The following COL21A1 variants were observed in gnomAD, a reference collection of about 807,000 sequenced individuals.
COL21A1 encodes collagen type XXI alpha 1 chain, also known as collagen alpha-1(XXI) chain.
A neutral mutation model predicts 137.9 loss-of-function variants in COL21A1; 149 were observed. The observed-to-expected ratio is 1.08, with a 90% CI of 0.95 to 1.24. The LOEUF (loss-of-function observed/expected upper bound fraction) is 1.24. Among genes scored for constraint, COL21A1 ranks in the 50% most tolerant of loss-of-function variants. The pLI, the probability that COL21A1 is intolerant of heterozygous loss-of-function variation, is 0.00. For missense variants in COL21A1, 1,167 were observed against 1,158.4 expected, an observed-to-expected ratio of 1.01 and a Z score of -0.11; for synonymous variants, 456 against 391.5, an observed-to-expected ratio of 1.16 and a Z score of -1.95.
At chr6:56,071,962 C>T (rs1408468392) in intron 20 of COL21A1, among the ~76,000 whole-genome samples, 1 of 151,402 alleles carries the variant, frequency 6.6e-6, no homozygotes, top group Non-Finnish European at 1.5e-5. Context: ...TGATGCTCTT[C>T]CACTCCCAAC....
At chr6:56,332,395 G>A (rs1324383963) in intron 1 of COL21A1, among the ~76,000 whole-genome samples, 1 of 151,678 alleles carries the variant, frequency 6.6e-6, no homozygotes, top group Non-Finnish European at 1.5e-5. Context: ...TCACTAATGT[G>A]ATATAGCCAG....
intron 1 of COL21A1, among the ~76,000 whole-genome samples, chr6:56,312,270 C>T (rs1436410632): frequency 6.6e-6 from 1 of 152,036 alleles, no homozygotes; most frequent in Non-Finnish European, 1.5e-5. Context: ...TTAATGCAAA[C>T]AAGCAAGGAA....
chr6:56,225,606 A>G (rs1285225769), intron 1 of COL21A1, among the ~76,000 whole-genome samples: 2 of 152,084 alleles, frequency 1.3e-5, no homozygotes, highest in African/African-American at 4.8e-5. Flanking sequence ...TCAGGTACTC[A>G]ATGAAAAATA....
At position 56,168,313 on chromosome 6, in the gene COL21A1, GT is replaced by G; in HGVS notation, c.1027-17del. 6.6e-7 allele frequency: 1 copy of G among 1,514,058 alleles called. No homozygotes were observed. Among genetic ancestry groups the G allele is most frequent in the Non-Finnish European group, 8.9e-7 (1 of 1,123,318 alleles). 93.8% of individuals were successfully genotyped at this position (1,514,058 alleles called of 1,614,324 possible). ...CAAACAACGTCTACAAAAAGAAAGT[GT>G]GGAAGATTCATAAATAAAGCCCCTA... On this transcript the variant is annotated splice_polypyrimidine_tract_variant and intron_variant, in intron 5 of 29. Transcript: ENST00000244728.
intron 1 of COL21A1, among the ~76,000 whole-genome samples, chr6:56,230,643 A>C (rs974970421): frequency 6.6e-6 from 1 of 151,856 alleles, no homozygotes; most frequent in Non-Finnish European, 1.5e-5. Flanking sequence ...TAAGGGAAGA[A>C]ATCACACTTC....
At chr6:56,128,019 C>CT (rs915620812) in intron 12 of COL21A1, among the ~76,000 whole-genome samples, 1 of 152,192 alleles carries the variant, frequency 6.6e-6, no homozygotes, top group Admixed American at 6.5e-5. Context: ...TCCTCTCAGC[C>CT]ACCTGTAAGC....
At chr6:56,232,802 A>G (rs531526623) in intron 1 of COL21A1, among the ~76,000 whole-genome samples, 1 of 151,942 alleles carries the variant, frequency 6.6e-6, no homozygotes, top group African/African-American at 2.4e-5. Context: ...TGTTCACTAC[A>G]TAGTAGAAGT....
chr6:56,219,216 C>CAAAAAAAAAA lies in COL21A1; in HGVS notation c.-39+28161_-39+28170dup, dbSNP rs386407160. Among the ~76,000 whole-genome samples the CAAAAAAAAAA allele has an allele frequency of 7.1e-4, 54 of 76,494 alleles. 1 individual carries two copies. The highest frequency in any genetic ancestry group is 2.9e-3 in the African/African-American group (53 of 18,140). 50.2% of individuals were successfully genotyped at this position (76,494 alleles called of 152,430 possible). A position where few individuals can be genotyped will look rare whatever the true frequency, so the allele number is the denominator to read the frequency against. On this transcript the variant is annotated intron_variant, in intron 1 of 29. Coordinates refer to ENST00000244728, the MANE Select transcript of COL21A1 (RefSeq NM_030820.4). ...GCACTTCCCAAAGCCAAACTTGCACCAAAAAAAAAAAAAAAAAAAAAAAGG... is the reference window on the plus strand; with the variant it reads ...GCACTTCCCAAAGCCAAACTTGCACCAAAAAAAAAAAAAAAAAAAAAAAAAAAAAAAAAGG...
chr6:56,276,420 C>CT (rs74726846), intron 1 of COL21A1: 1,637 of 529,014 alleles, frequency 3.1e-3, no homozygotes, highest in Non-Finnish European at 3.9e-3. Context: ...CTGTTTTGAT[C>CT]TTTTTTTTTT....
At chr6:56,278,462 G>T (rs57111714) in intron 1 of COL21A1, among the ~76,000 whole-genome samples, 2,566 of 152,246 alleles carry the variant, frequency 0.017, 30 homozygotes, top group South Asian at 0.024. Flanking sequence ...TGTGGCCTGT[G>T]GAGGGGCCTA....
intron 9 of COL21A1, among the ~76,000 whole-genome samples, chr6:56,163,585 T>G (rs1776348945): frequency 6.6e-6 from 1 of 152,024 alleles, no homozygotes; most frequent in African/African-American, 2.4e-5. Flanking sequence ...GGTGATCGCC[T>G]GTAATCCTAG....
intron 3 of COL21A1, among the ~76,000 whole-genome samples, chr6:56,178,697 C>G (rs1008826845): frequency 3.9e-5 from 6 of 151,986 alleles, no homozygotes; most frequent in Non-Finnish European, 7.4e-5. Flanking sequence ...ATTAGCATAT[C>G]TATGCCCTAA....
chr6:56,331,936 T>C (rs563412216), intron 1 of COL21A1: 2 of 152,152 alleles, frequency 1.3e-5, no homozygotes, highest in Admixed American at 6.6e-5. Flanking sequence ...GTGTACATAC[T>C]TAACTATTTA....
intron 1 of COL21A1, among the ~76,000 whole-genome samples, chr6:56,346,081 T>TA (rs1765591101): frequency 6.6e-6 from 1 of 152,238 alleles, no homozygotes; most frequent in Admixed American, 6.5e-5. Flanking sequence ...TTATAATTTA[T>TA]ATACAGTAAA....
intron 1 of COL21A1, among the ~76,000 whole-genome samples, chr6:56,363,787 A>C (rs1302782257): frequency 3.4e-4 from 1 of 2,932 alleles, no homozygotes; most frequent in Non-Finnish European, 6.4e-4. Context: ...ATACCCCCCG[A>C]CACATTCCCA....
intron 1 of COL21A1, among the ~76,000 whole-genome samples, chr6:56,326,161 A>G (rs1023085925): frequency 8.3e-6 from 1 of 120,796 alleles, no homozygotes; most frequent in African/African-American, 2.9e-5. Context: ...ATTTGATTAG[A>G]TATGTTGTCT....
At chr6:56,324,506 C>A (rs7775154) in intron 1 of COL21A1, among the ~76,000 whole-genome samples, 2 of 151,684 alleles carry the variant, frequency 1.3e-5, no homozygotes, top group African/African-American at 2.4e-5. Flanking sequence ...GCCTAACATC[C>A]CCCTCTGACC....
intron 1 of COL21A1, among the ~76,000 whole-genome samples, chr6:56,334,778 T>G (rs955793980): frequency 3.3e-5 from 5 of 152,160 alleles, no homozygotes; most frequent in South Asian, 2.1e-4. Context: ...GGCTCTGCCA[T>G]CATAAGTGGA....
At chr6:56,290,285 G>A (rs777942868) in intron 1 of COL21A1, among the ~76,000 whole-genome samples, 35 of 151,684 alleles carry the variant, frequency 2.3e-4, no homozygotes, top group Non-Finnish European at 4.3e-4. Context: ...CTTTGTCATG[G>A]AAGACTGTCC....
Sources: allele counts gnomAD v4.1 joint callset (sites outside exome capture counted in the v4.1 genomes callset), GRCh38; gene constraint gnomAD v4.1.1; transcripts MANE v1.5; gene names NCBI Gene and HGNC (gene_info 2026-07-23, HGNC 2026-07-21).